The following ANKRD6 variants were observed in gnomAD, a reference collection of about 807,000 sequenced individuals.
ANKRD6 encodes the protein ankyrin repeat domain-containing protein 6.
ANKRD6 carries 56 observed loss-of-function variants against 82.3 expected under a neutral mutation model. That is an observed-to-expected ratio of 0.68 (90% confidence interval 0.55 to 0.85). The LOEUF (loss-of-function observed/expected upper bound fraction) is 0.85. Among genes scored for constraint, ANKRD6 ranks in the 40% least tolerant of loss-of-function variants. ANKRD6 has a pLI of 0.00. For missense variants in ANKRD6, 852 were observed against 907.6 expected (o/e 0.94, Z 0.79); for synonymous variants, 347 against 352.1 (o/e 0.99, Z 0.16).
chr6:89,630,993 A>G lies in ANKRD6; in HGVS notation c.2173A>G (p.Lys725Glu), dbSNP rs1318579322. ...ELAKLRTRVQ[K>E]EN ...TGCCAAACTAAGGACTAGGGTGCAG[A>G]AGGAAAATTAGCACCAATAAAGAGG... Residue 725 changes from lysine (K) to glutamate (E), a missense_variant, in exon 16 of 16, where the codon AAG becomes GAG. Physicochemically the swap from Lys to Glu is moderately conservative, Grantham distance 56 (BLOSUM62 1). Coordinates refer to ENST00000339746, the MANE Select transcript of ANKRD6 (RefSeq NM_001242809.2). The G allele has an allele frequency of 6.5e-7, 1 of 1,532,450 alleles. No homozygotes were observed. The highest frequency in any genetic ancestry group is 1.2e-5 in the South Asian group (1 of 80,366). The allele number at this position is 1,532,450 out of a possible 1,614,324, so 94.9% of individuals were successfully genotyped here. A position where few individuals can be genotyped will look rare whatever the true frequency, so the allele number is the denominator to read the frequency against.
chr6:89,540,782 C>A (rs1029677294), intron 1 of ANKRD6, among the ~76,000 whole-genome samples: 1 of 152,122 alleles, frequency 6.6e-6, no homozygotes, highest in African/African-American at 2.4e-5. Context: ...AGTCTTTAAT[C>A]CATTTTGATA....
chr6:89,502,840 G>T lies in ANKRD6; in HGVS notation c.-143-63994G>T, dbSNP rs1004577650. On this transcript the variant is annotated intron_variant, in intron 1 of 15. Transcript: ENST00000339746. ...AAAAATACAGAGATCTTCACTTAGG[G>T]TATGACAAGATAAATTTTATTCCAC... Among the ~76,000 whole-genome samples the T allele has an allele frequency of 2.0e-5, 3 of 152,170 alleles. No individual in the cohort carries two copies. The East Asian group carries it at 5.8e-4, about 29-fold the overall frequency.
At chr6:89,606,516 C>A (rs1177061751) in intron 5 of ANKRD6, among the ~76,000 whole-genome samples, 1 of 152,018 alleles carries the variant, frequency 6.6e-6, no homozygotes, top group Non-Finnish European at 1.5e-5. Context: ...ATACGAATAG[C>A]CACCTTTGGG....
chr6:89,457,760 A>C (rs1394981550), intron 1 of ANKRD6, among the ~76,000 whole-genome samples: 1 of 152,172 alleles, frequency 6.6e-6, no homozygotes, highest in Non-Finnish European at 1.5e-5. Flanking sequence ...AGTGAACCCT[A>C]ATAAGTTGAT....
At chr6:89,504,893 A>G (rs184790809) in intron 1 of ANKRD6, 3 of 152,340 alleles carry the variant, frequency 2.0e-5, no homozygotes, top group Admixed American at 6.5e-5. Flanking sequence ...AATCGCATGC[A>G]CGTCACAGAA....
intron 9 of ANKRD6, among the ~76,000 whole-genome samples, chr6:89,620,937 C>T (rs1352895047): frequency 1.3e-5 from 2 of 151,914 alleles, no homozygotes; most frequent in East Asian, 1.9e-4. Flanking sequence ...GGCATGGTGG[C>T]GGGCGCCTGT....
intron 7 of ANKRD6, among the ~76,000 whole-genome samples, chr6:89,614,795 C>T (rs958202449): frequency 2.7e-5 from 4 of 146,440 alleles, no homozygotes; most frequent in South Asian, 2.2e-4. Flanking sequence ...CTTGCCACTG[C>T]ACACCAGTCT....
At chr6:89,589,051 T>A (rs973687563) in intron 2 of ANKRD6, among the ~76,000 whole-genome samples, 8 of 151,620 alleles carry the variant, frequency 5.3e-5, no homozygotes, top group African/African-American at 1.9e-4. Flanking sequence ...ACCACACCTT[T>A]CCTTCTCACT....
chr6:89,494,857 A>C (rs1041918781), intron 1 of ANKRD6, among the ~76,000 whole-genome samples: 6 of 152,234 alleles, frequency 3.9e-5, no homozygotes, highest in African/African-American at 1.4e-4. Flanking sequence ...TTACCACATC[A>C]GAGAGAATTT....
At chr6:89,582,654 C>G (rs1310409430) in intron 2 of ANKRD6, among the ~76,000 whole-genome samples, 5 of 151,934 alleles carry the variant, frequency 3.3e-5, no homozygotes, top group Non-Finnish European at 7.4e-5. Context: ...CCACCCAGCC[C>G]CTGCCAGCCA....
intron 1 of ANKRD6, among the ~76,000 whole-genome samples, chr6:89,549,017 G>A (rs966013183): frequency 2.6e-5 from 4 of 152,062 alleles, no homozygotes; most frequent in African/African-American, 7.2e-5. Context: ...GACCAACCTG[G>A]GCAACATGGT....
At chr6:89,536,389 T>C (rs1783841569) in intron 1 of ANKRD6, among the ~76,000 whole-genome samples, 1 of 152,210 alleles carries the variant, frequency 6.6e-6, no homozygotes, top group Admixed American at 6.5e-5. Flanking sequence ...CTGCCCTTTC[T>C]CAGTAAAGCG....
chr6:89,575,490 T>C (rs1367538847), intron 2 of ANKRD6, among the ~76,000 whole-genome samples: 1 of 152,176 alleles, frequency 6.6e-6, no homozygotes, highest in African/African-American at 2.4e-5. Context: ...ATTGTGAACT[T>C]TCTATGGGCT....
At chr6:89,563,890 G>A (rs1466470439) in intron 1 of ANKRD6, among the ~76,000 whole-genome samples, 1 of 152,172 alleles carries the variant, frequency 6.6e-6, no homozygotes, top group African/African-American at 2.4e-5. Context: ...GAGAGGTGGT[G>A]TCTCTGCTTG....
chr6:89,586,441 C>T (rs1793700536), intron 2 of ANKRD6, among the ~76,000 whole-genome samples: 2 of 152,168 alleles, frequency 1.3e-5, no homozygotes, highest in South Asian at 4.1e-4. Context: ...GTAATCCCAG[C>T]ACTTTGGGAG....
chr6:89,524,341 T>C lies in ANKRD6; in HGVS notation c.-143-42493T>C, dbSNP rs1446187021. Reference sequence around the variant, plus strand: ...TGAGTCCCCAAAGTCCACTATATTATTCTTATGTCTTCGTGTCCTTAGCTC... The same window carrying C: ...TGAGTCCCCAAAGTCCACTATATTACTCTTATGTCTTCGTGTCCTTAGCTC... On this transcript the variant is annotated intron_variant, in intron 1 of 15. Coordinates refer to ENST00000339746, the MANE Select transcript of ANKRD6 (RefSeq NM_001242809.2). Among the ~76,000 whole-genome samples the C allele has an allele frequency of 2.0e-5, 3 of 152,164 alleles. No homozygotes were observed. In the East Asian group the frequency reaches 5.8e-4, roughly 29 times the overall value.
chr6:89,572,737 G>T (rs890596036), intron 2 of ANKRD6, among the ~76,000 whole-genome samples: 3 of 152,030 alleles, frequency 2.0e-5, no homozygotes, highest in African/African-American at 7.2e-5. Context: ...TTGCATGTGG[G>T]TATCTGGCTT....
intron 1 of ANKRD6, among the ~76,000 whole-genome samples, chr6:89,546,693 C>G (rs993062311): frequency 1.3e-5 from 2 of 152,128 alleles, no homozygotes; most frequent in South Asian, 4.1e-4. Flanking sequence ...AAACTCCTGA[C>G]CTCAAGTGAT....
At chr6:89,598,815 T>A (rs181104693) in intron 3 of ANKRD6, among the ~76,000 whole-genome samples, 1 of 152,282 alleles carries the variant, frequency 6.6e-6, no homozygotes, top group African/African-American at 2.4e-5. Flanking sequence ...AGTTAATCAT[T>A]CAACAAATGC....
Sources: gnomAD v4.1 joint callset for allele counts (sites outside exome capture counted in the v4.1 genomes callset) on GRCh38, gnomAD v4.1.1 for gene constraint, MANE v1.5 for transcripts, NCBI Gene and HGNC (gene_info 2026-07-23, HGNC 2026-07-21) for gene names.